VAT1L: variants seen among roughly 807,000 people sequenced by gnomAD.
VAT1L encodes the protein vesicle amine transport 1 like.
VAT1L carries 34 observed loss-of-function variants against 44.1 expected under a neutral mutation model. The observed-to-expected ratio is 0.77, with a 90% CI of 0.59 to 1.03. VAT1L has a LOEUF of 1.03. VAT1L is among the 50% of genes least tolerant of loss of function. VAT1L has a pLI of 0.00. For missense variants in VAT1L, 615 were observed against 538.8 expected, an observed-to-expected ratio of 1.14 and a Z score of -1.40; for synonymous variants, 253 against 202.2, an observed-to-expected ratio of 1.25 and a Z score of -2.13.
intron 1 of VAT1L, among the ~76,000 whole-genome samples, chr16:77,812,305 T>A (rs923371480): frequency 2.0e-5 from 3 of 152,126 alleles, no homozygotes; most frequent in African/African-American, 7.2e-5. Flanking sequence ...ACTCCTGACC[T>A]CAGGTAATCC....
chr16:77,950,563 G>C (rs2018030558), intron 7 of VAT1L, among the ~76,000 whole-genome samples: 1 of 152,050 alleles, frequency 6.6e-6, no homozygotes, highest in Admixed American at 6.6e-5. Flanking sequence ...ATTTTATATA[G>C]ATAAGCAGAA....
chr16:77,861,901 T>C (rs1186656348), intron 3 of VAT1L, among the ~76,000 whole-genome samples: 2 of 152,266 alleles, frequency 1.3e-5, no homozygotes, highest in East Asian at 3.9e-4. Flanking sequence ...ATGGTAGATA[T>C]GGCCTTGATA....
At chr16:77,917,057 G>C (rs1459463954) in intron 7 of VAT1L, among the ~76,000 whole-genome samples, 1 of 152,078 alleles carries the variant, frequency 6.6e-6, no homozygotes, top group Non-Finnish European at 1.5e-5. Context: ...ATTTAGATAA[G>C]AGATATTGTT....
At chr16:77,902,892 G>C (rs182476768) in intron 7 of VAT1L, among the ~76,000 whole-genome samples, 1 of 148,164 alleles carries the variant, frequency 6.7e-6, no homozygotes, top group East Asian at 2.0e-4. Context: ...AGAACCACTT[G>C]AACCCGGGCG....
chr16:77,895,196 C>G (rs2017310901), intron 7 of VAT1L, among the ~76,000 whole-genome samples: 2 of 151,858 alleles, frequency 1.3e-5, no homozygotes, highest in African/African-American at 4.8e-5. Flanking sequence ...CCAGCACTAT[C>G]ACGCCCCCAG....
intron 7 of VAT1L, among the ~76,000 whole-genome samples, chr16:77,950,447 C>G (rs2018029282): frequency 8.6e-6 from 1 of 116,920 alleles, no homozygotes; most frequent in African/African-American, 3.1e-5. Flanking sequence ...CACACACACA[C>G]ACACACACAG....
intron 7 of VAT1L, among the ~76,000 whole-genome samples, chr16:77,926,700 T>A (rs2017673236): frequency 6.6e-6 from 1 of 152,220 alleles, no homozygotes; most frequent in Non-Finnish European, 1.5e-5. Flanking sequence ...GACTTCACAG[T>A]CCTCACCAAC....
chr16:77,921,171 A>G (rs1033069561), intron 7 of VAT1L, among the ~76,000 whole-genome samples: 4 of 152,202 alleles, frequency 2.6e-5, no homozygotes, highest in African/African-American at 9.7e-5. Context: ...ACTGACAGGA[A>G]TAGCATCATG....
At chr16:77,970,266 A>G (rs1014697018) in intron 7 of VAT1L, among the ~76,000 whole-genome samples, 8 of 152,130 alleles carry the variant, frequency 5.3e-5, no homozygotes, top group Non-Finnish European at 1.2e-4. Context: ...GATCACTGCC[A>G]GGTTGTCCAA....
intron 1 of VAT1L, among the ~76,000 whole-genome samples, chr16:77,814,885 C>T (rs902754291): frequency 6.6e-6 from 1 of 152,154 alleles, no homozygotes; most frequent in Admixed American, 6.5e-5. Context: ...ATACTTCTGC[C>T]TTCTTAACGG....
chr16:77,963,149 C>T (rs749541921), intron 7 of VAT1L, among the ~76,000 whole-genome samples: 4 of 152,140 alleles, frequency 2.6e-5, no homozygotes, highest in Non-Finnish European at 4.4e-5. Flanking sequence ...GAACCTGGGC[C>T]GAGCAGAATA....
chr16:77,936,673 CCAGGTTCCACA>C (rs2017800914), intron 7 of VAT1L, among the ~76,000 whole-genome samples: 1 of 152,072 alleles, frequency 6.6e-6, no homozygotes, highest in African/African-American at 2.4e-5. Flanking sequence ...AGTTTGAATC[CCAGGTTCCACA>C]CAGGAAGAGG....
At chr16:77,964,671 G>A (rs1235791517) in intron 7 of VAT1L, among the ~76,000 whole-genome samples, 1 of 151,936 alleles carries the variant, frequency 6.6e-6, no homozygotes, top group Non-Finnish European at 1.5e-5. Context: ...GGGAGTGTGA[G>A]GTCATTCTGT....
chr16:77,821,679 G>A (rs2016455752), intron 2 of VAT1L, among the ~76,000 whole-genome samples: 2 of 152,070 alleles, frequency 1.3e-5, no homozygotes, highest in Non-Finnish European at 2.9e-5. Context: ...TCTATAAAAT[G>A]GGAACAATAA....
At chr16:77,971,622 T>C (rs1023609945) in intron 7 of VAT1L, among the ~76,000 whole-genome samples, 6 of 152,148 alleles carry the variant, frequency 3.9e-5, no homozygotes, top group African/African-American at 1.2e-4. Flanking sequence ...TCAAGAGCTG[T>C]CACCCTCACT....
intron 7 of VAT1L, among the ~76,000 whole-genome samples, chr16:77,905,130 C>A (rs2017425352): frequency 6.6e-6 from 1 of 152,174 alleles, no homozygotes; most frequent in South Asian, 2.1e-4. Context: ...CATCCCCTCT[C>A]TATCAATATA....
chr16:77,826,123 C>T (rs1454832521), intron 3 of VAT1L, among the ~76,000 whole-genome samples: 2 of 146,312 alleles, frequency 1.4e-5, no homozygotes, highest in Non-Finnish European at 3.0e-5. Context: ...AGGAGAATGG[C>T]GTGAACCCGG....
At chr16:77,878,753 G>A (rs187919124) in intron 5 of VAT1L, among the ~76,000 whole-genome samples, 198 of 152,144 alleles carry the variant, frequency 1.3e-3, no homozygotes, top group Non-Finnish European at 2.1e-3. Context: ...TAGGTACCCA[G>A]TCCAGGTCAG....
rs145903199 is a variant in VAT1L at position 77,892,559 on chromosome 16, G to T, written c.1077+7757G>T. ...TCTAAGCCCTGGAGAGGAAGGATTT[G>T]GTTATAAGGGTTCATGCTTTCACAG... is the stretch of plus-strand genomic sequence containing the variant. On this transcript the variant is annotated intron_variant, in intron 7 of 8. Coordinates refer to ENST00000302536, the MANE Select transcript of VAT1L (RefSeq NM_020927.3). The T allele has an allele frequency of 2.2e-4, 133 of 602,002 alleles. No individual in the cohort carries two copies. In the East Asian group the frequency reaches 5.0e-3, roughly 23 times the overall value. 37.3% of individuals were successfully genotyped at this position (602,002 alleles called of 1,614,324 possible). A position where few individuals can be genotyped will look rare whatever the true frequency, so the allele number is the denominator to read the frequency against.
Sources: gnomAD v4.1 joint callset for allele counts (sites outside exome capture counted in the v4.1 genomes callset) on GRCh38, gnomAD v4.1.1 for gene constraint, MANE v1.5 for transcripts, NCBI Gene and HGNC (gene_info 2026-07-23, HGNC 2026-07-21) for gene names.